Variants in GMCL1 observed in about 807,000 individuals in gnomAD.
GMCL1 encodes the protein germ cell-less 1, spermatogenesis associated.
A neutral mutation model predicts 75.5 loss-of-function variants in GMCL1; 54 were observed. The ratio of observed to expected loss-of-function variants is 0.71; its 90% confidence interval spans 0.57 to 0.90. The LOEUF (loss-of-function observed/expected upper bound fraction) is 0.90. GMCL1 is among the 40% of genes least tolerant of loss of function. The pLI, the probability that GMCL1 is intolerant of heterozygous loss-of-function variation, is 0.00. For missense variants in GMCL1, 537 were observed against 622.7 expected (o/e 0.86, Z 1.47); for synonymous variants, 210 against 209.6 (o/e 1.00, Z -0.02).
intron 9 of GMCL1, among the ~76,000 whole-genome samples, chr2:69,857,103 T>C (rs976703161): frequency 6.6e-6 from 1 of 152,198 alleles, no homozygotes; most frequent in African/African-American, 2.4e-5. Context: ...TAGCCTAGCA[T>C]GTTCATAGCC....
chr2:69,838,336 C>CAAAA lies in GMCL1; in HGVS notation c.384+691_384+694dup, dbSNP rs71397366. On this transcript the variant is annotated intron_variant, in intron 2 of 13. Coordinates refer to ENST00000282570, the MANE Select transcript of GMCL1 (RefSeq NM_178439.5). ...TGGGCAACAGAGCGAGACTCTGTCTCAAAAAAAAAAAAAAAAAAAAAAAAA... is the reference window on the plus strand; with the variant it reads ...TGGGCAACAGAGCGAGACTCTGTCTCAAAAAAAAAAAAAAAAAAAAAAAAAAAAA... Among the ~76,000 whole-genome samples the CAAAA allele has an allele frequency of 5.1e-3, 162 of 31,506 alleles. 18 individuals are homozygous for CAAAA. Among genetic ancestry groups the CAAAA allele is most frequent in the Middle Eastern group, 0.016 (1 of 62 alleles). 20.7% of individuals were successfully genotyped at this position (31,506 alleles called of 152,430 possible). A position where few individuals can be genotyped will look rare whatever the true frequency, so the allele number is the denominator to read the frequency against.
At chr2:69,853,557 A>G (rs1372091233) in intron 8 of GMCL1, among the ~76,000 whole-genome samples, 2 of 152,194 alleles carry the variant, frequency 1.3e-5, no homozygotes, top group East Asian at 3.8e-4. Flanking sequence ...GGCAACTGTC[A>G]TGTTTTTCTC....
chr2:69,848,800 A>AT (rs2103980731), intron 7 of GMCL1, among the ~76,000 whole-genome samples: 1 of 152,320 alleles, frequency 6.6e-6, no homozygotes, highest in East Asian at 1.9e-4. Flanking sequence ...AGGTAAACAT[A>AT]TTATCATGCT....
intron 6 of GMCL1, chr2:69,844,782 G>A: frequency 3.5e-6 from 1 of 287,160 alleles, no homozygotes; most frequent in Non-Finnish European, 7.6e-6. Context: ...TTGCGACACT[G>A]CTCTCCAGCC....
At position 69,879,502 on chromosome 2, in the gene GMCL1, T is replaced by C. The variant is rs1676219011; in HGVS notation, c.*498T>C. ...AGTTGGTGTATTGAAAGCTTTCCTTTAACATTTTCACCTGCTCATTGTGAT... is the reference window on the plus strand; with the variant it reads ...AGTTGGTGTATTGAAAGCTTTCCTTCAACATTTTCACCTGCTCATTGTGAT... On this transcript the variant is annotated 3_prime_UTR_variant, in exon 14 of 14. Transcript: ENST00000282570. The C allele has an allele frequency of 6.6e-6, 1 of 152,452 alleles. No individual in the cohort carries two copies. Among genetic ancestry groups the C allele is most frequent in the African/African-American group, 2.4e-5 (1 of 41,464 alleles). The allele number at this position is 152,452 out of a possible 1,614,324, so 9.4% of individuals were successfully genotyped here. A position where few individuals can be genotyped will look rare whatever the true frequency, so the allele number is the denominator to read the frequency against.
intron 9 of GMCL1, among the ~76,000 whole-genome samples, chr2:69,860,824 C>CGTTTGTTT (rs1469696539): frequency 3.3e-5 from 5 of 152,044 alleles, no homozygotes; most frequent in African/African-American, 9.7e-5. Context: ...CTACCAGTTT[C>CGTTTGTTT]GTTTGTTTGT....
intron 1 of GMCL1, among the ~76,000 whole-genome samples, chr2:69,830,373 G>T (rs1226070702): frequency 6.6e-6 from 1 of 152,222 alleles, no homozygotes; most frequent in Non-Finnish European, 1.5e-5. Flanking sequence ...GACGCTTCCA[G>T]GGTGTTGTTA....
At chr2:69,846,563 A>T (rs886796182) in intron 6 of GMCL1, among the ~76,000 whole-genome samples, 2 of 152,148 alleles carry the variant, frequency 1.3e-5, no homozygotes, top group Non-Finnish European at 2.9e-5. Context: ...GATGACTCTA[A>T]TTTCTCACTG....
At chr2:69,853,325 A>T (rs1279871217) in intron 8 of GMCL1, among the ~76,000 whole-genome samples, 1 of 152,242 alleles carries the variant, frequency 6.6e-6, no homozygotes, top group Admixed American at 6.5e-5. Flanking sequence ...GTTAACTATT[A>T]ATTTTTTAAT....
At chr2:69,837,958 GA>G (rs1477649865) in intron 2 of GMCL1, among the ~76,000 whole-genome samples, 6 of 152,140 alleles carry the variant, frequency 3.9e-5, no homozygotes, top group East Asian at 3.9e-4. Flanking sequence ...AAAAGTTGGG[GA>G]AAAAATATTT....
intron 9 of GMCL1, among the ~76,000 whole-genome samples, chr2:69,858,446 A>T (rs955052229): frequency 1.3e-5 from 2 of 152,234 alleles, no homozygotes; most frequent in African/African-American, 4.8e-5. Context: ...GAATCTTTCC[A>T]GCTAACAGTA....
intron 11 of GMCL1, among the ~76,000 whole-genome samples, chr2:69,868,054 T>A (rs1434047324): frequency 6.6e-6 from 1 of 152,186 alleles, no homozygotes; most frequent in Non-Finnish European, 1.5e-5. Context: ...TACTTCTATC[T>A]TAGTCCATTC....
At chr2:69,874,546 G>A (rs1485388369) in intron 13 of GMCL1, among the ~76,000 whole-genome samples, 1 of 150,722 alleles carries the variant, frequency 6.6e-6, no homozygotes, top group African/African-American at 2.4e-5. Flanking sequence ...ACCGCGCCTG[G>A]CCCTTAATTT....
intron 12 of GMCL1, among the ~76,000 whole-genome samples, chr2:69,870,220 T>TA (rs765879091): frequency 6.6e-6 from 1 of 151,980 alleles, no homozygotes; most frequent in Non-Finnish European, 1.5e-5. Context: ...AAGGATTTAA[T>TA]ATGTTAAATT....
chr2:69,830,175 G>C, intron 1 of GMCL1, 23 bp downstream of exon 1: 1 of 1,547,212 alleles, frequency 6.5e-7, no homozygotes, highest in Non-Finnish European at 8.7e-7. Flanking sequence ...ACGCACCCGC[G>C]CGGACCCGGA....
At chr2:69,868,324 A>G (rs906734421) in intron 11 of GMCL1, among the ~76,000 whole-genome samples, 4 of 152,190 alleles carry the variant, frequency 2.6e-5, no homozygotes, top group African/African-American at 4.8e-5. Flanking sequence ...CATTGCTTAG[A>G]GGAGTGCCTG....
At chr2:69,867,477 C>T (rs1675853798) in intron 11 of GMCL1, among the ~76,000 whole-genome samples, 2 of 152,176 alleles carry the variant, frequency 1.3e-5, no homozygotes, top group African/African-American at 2.4e-5. Flanking sequence ...TTCTCTCTAG[C>T]ACCTGGACTC....
intron 1 of GMCL1, among the ~76,000 whole-genome samples, chr2:69,831,655 T>C (rs1674676009): frequency 6.6e-6 from 1 of 152,148 alleles, no homozygotes; most frequent in Non-Finnish European, 1.5e-5. Context: ...TCGCCCAGGC[T>C]GGAATGCAGT....
intron 6 of GMCL1, among the ~76,000 whole-genome samples, chr2:69,846,096 A>G (rs959221655): frequency 1.3e-5 from 2 of 152,010 alleles, no homozygotes; most frequent in African/African-American, 2.4e-5. Flanking sequence ...TTATGGTTAG[A>G]CCACCTCCTA....
Sources: allele counts gnomAD v4.1 joint callset (sites outside exome capture counted in the v4.1 genomes callset), GRCh38; gene constraint gnomAD v4.1.1; transcripts MANE v1.5; gene names NCBI Gene and HGNC (gene_info 2026-07-23, HGNC 2026-07-21).